CACNA1H: variants seen among roughly 807,000 people sequenced by gnomAD.
CACNA1H encodes the protein voltage-dependent T-type calcium channel subunit alpha-1H.
A neutral mutation model predicts 192.5 loss-of-function variants in CACNA1H; 149 were observed. The ratio of observed to expected loss-of-function variants is 0.77; its 90% CI spans 0.68 to 0.89. The LOEUF (loss-of-function observed/expected upper bound fraction) is 0.89. Ranked by LOEUF, CACNA1H falls within the 40% of genes least tolerant of loss-of-function variation. The probability of loss-of-function intolerance (pLI) is 0.00; values close to 1 mark genes in which losing one functional copy is unlikely to be tolerated. For missense variants in CACNA1H, 4,257 were observed against 3,423.5 expected (o/e 1.24, Z -6.08); for synonymous variants, 2,202 against 1,475.2 (o/e 1.49, Z -11.29).
chr16:1,212,691 C>T (rs1056660687), intron 26 of CACNA1H, among the ~76,000 whole-genome samples, 163 bp downstream of exon 26: 1 of 152,176 alleles, frequency 6.6e-6, no homozygotes, highest in Non-Finnish European at 1.5e-5. Flanking sequence ...CGCCAGTGTC[C>T]GGGCTGCTGT....
In CACNA1H at chr16:1,195,123, G is replaced by A. The variant is rs72556375; in HGVS notation, c.411+40G>A. On this transcript the variant is annotated intron_variant, in intron 3 of 34. Coordinates refer to ENST00000348261, the MANE Select transcript of CACNA1H (RefSeq NM_021098.3). ...TCGGGGTGGGGAAGGAGCGTGGGTC[G>A]CTACGAGGTTTATGGTTCAAGGCGG... 3.4e-3 allele frequency: 4,147 copies of A among 1,226,014 alleles called. 137 individuals carry two copies. In the African/African-American group the frequency reaches 0.057, roughly 17 times the overall value. The allele number at this position is 1,226,014 out of a possible 1,614,324, so 75.9% of individuals were successfully genotyped here. A position where few individuals can be genotyped will look rare whatever the true frequency, so the allele number is the denominator to read the frequency against.
At chr16:1,164,381 T>C (rs191433198) in intron 2 of CACNA1H, among the ~76,000 whole-genome samples, 15 of 152,254 alleles carry the variant, frequency 9.9e-5, no homozygotes, top group African/African-American at 3.4e-4. Context: ...TCGCCCAGGC[T>C]GAGTGCAGTG....
At chr16:1,198,906 C>T (rs954159051) in intron 6 of CACNA1H, 132 bp downstream of exon 6, 3 of 804,670 alleles carry the variant, frequency 3.7e-6, no homozygotes, top group South Asian at 1.7e-5. Flanking sequence ...CACTGCTGTC[C>T]CCGTCATGGC....
rs1968695900 is a variant in CACNA1H, at chr16:1,206,298, AACCCCCC to A, written c.2789+10_2789+16del. 6.5e-7 allele frequency: 1 copy of A among 1,550,128 alleles called. No homozygotes were observed. Among genetic ancestry groups the A allele is most frequent in the Non-Finnish European group, 8.7e-7 (1 of 1,147,400 alleles). The stretch of plus-strand genomic sequence containing the variant: ...TTCATTTTCATCTTCAGGTGGGCGC[AACCCCCC>A]TCCCGGCCCGCCCAGTGTCTCACCC... On this transcript the variant is annotated intron_variant, in intron 12 of 34. Coordinates refer to ENST00000348261, the MANE Select transcript of CACNA1H (RefSeq NM_021098.3).
intron 2 of CACNA1H, among the ~76,000 whole-genome samples, chr16:1,185,050 C>T (rs1245568461): frequency 6.6e-6 from 1 of 152,224 alleles, no homozygotes; most frequent in Non-Finnish European, 1.5e-5. Context: ...GCTGCCCAGC[C>T]CTGGTGGTCT....
chr16:1,203,719 C>T (rs567384663), intron 9 of CACNA1H, among the ~76,000 whole-genome samples: 5 of 152,202 alleles, frequency 3.3e-5, no homozygotes, highest in Non-Finnish European at 7.3e-5. Context: ...CTTGTCGACA[C>T]GTCCCTGCGG....
At chr16:1,159,808 C>G (rs149685974) in intron 2 of CACNA1H, 1 of 152,320 alleles carries the variant, frequency 6.6e-6, no homozygotes, top group East Asian at 1.9e-4. Context: ...AGCTCTTGGA[C>G]TCGTGGGCAA....
At chr16:1,181,136 C>T (rs1039896454) in intron 2 of CACNA1H, among the ~76,000 whole-genome samples, 3 of 152,238 alleles carry the variant, frequency 2.0e-5, no homozygotes, top group Non-Finnish European at 4.4e-5. Flanking sequence ...GTCCCAGGGG[C>T]AGGCGGCCGT....
chr16:1,191,331 C>G (rs1312911700), intron 2 of CACNA1H, among the ~76,000 whole-genome samples: 6 of 119,734 alleles, frequency 5.0e-5, no homozygotes, highest in Non-Finnish European at 1.0e-4. Flanking sequence ...TGTGTGGCCT[C>G]CGGCACACTC....
chr16:1,166,317 TGCTCA>T (rs1963769004), intron 2 of CACNA1H, among the ~76,000 whole-genome samples: 1 of 152,208 alleles, frequency 6.6e-6, no homozygotes, highest in East Asian at 1.9e-4. Context: ...GCTCAGACCC[TGCTCA>T]GCTCCGTGGC....
intron 2 of CACNA1H, chr16:1,159,951 C>G (rs1005638155): frequency 2.0e-5 from 3 of 152,322 alleles, no homozygotes; most frequent in African/African-American, 4.8e-5. Context: ...GAGGGCGATG[C>G]GGCCCCACCA....
chr16:1,203,987 C>T (rs1288388153), intron 9 of CACNA1H, 23 bp from the exon 10 acceptor site: 2 of 1,507,670 alleles, frequency 1.3e-6, no homozygotes, highest in South Asian at 1.2e-5. Flanking sequence ...TGGGCCTGCC[C>T]CTGTCTGTGC....
chr16:1,189,943 G>A (rs1291034039), intron 2 of CACNA1H, among the ~76,000 whole-genome samples: 1 of 152,376 alleles, frequency 6.6e-6, no homozygotes, highest in African/African-American at 2.4e-5. Flanking sequence ...GACTCCAGGG[G>A]CTGGAGAAGG....
intron 18 of CACNA1H, 30 bp downstream of exon 18, chr16:1,210,165 G>A (rs753619654): frequency 2.0e-6 from 3 of 1,523,960 alleles, no homozygotes; most frequent in African/African-American, 2.8e-5. Flanking sequence ...AGGCTGCATG[G>A]CTAGTTCCAC....
chr16:1,168,795 C>T (rs998566088), intron 2 of CACNA1H, among the ~76,000 whole-genome samples: 3 of 152,098 alleles, frequency 2.0e-5, no homozygotes, highest in South Asian at 2.1e-4. Context: ...CTCCAGGCCT[C>T]TCCTGGAGCC....
At chr16:1,187,374 G>T (rs1044754875) in intron 2 of CACNA1H, among the ~76,000 whole-genome samples, 1 of 152,216 alleles carries the variant, frequency 6.6e-6, no homozygotes, top group Non-Finnish European at 1.5e-5. Context: ...GACCTCAGCT[G>T]CAGTCTGTGC....
At chr16:1,219,419 A>AGGCCCCAC (rs1970302150) in intron 34 of CACNA1H, among the ~76,000 whole-genome samples, 1 of 151,570 alleles carries the variant, frequency 6.6e-6, no homozygotes, top group African/African-American at 2.4e-5. Flanking sequence ...GCGGTTTCTC[A>AGGCCCCAC]GGTCCCGTGG....
At position 1,218,248 on chromosome 16, in the gene CACNA1H, C is replaced by T. The variant is rs553451895; in HGVS notation, c.5484C>T (p.Cys1828=). The stretch of plus-strand genomic sequence containing the variant: ...AGTGCTCCCGTGAGGACAAGCACTG[C>T]CTGAGCTACCTGCCGGCCCTGTCGC... The part of the protein sequence containing the change: ...LRECSREDKH[C]LSYLPALSPV... The change falls in exon 33 of 35, where the codon TGC becomes TGT. Residue 1828 remains cysteine, a synonymous_variant. Coordinates refer to ENST00000348261, the MANE Select transcript of CACNA1H (RefSeq NM_021098.3). 1.3e-6 allele frequency: 2 copies of T among 1,550,670 alleles called. No individual in the cohort carries two copies. Among genetic ancestry groups the T allele is most frequent in the African/African-American group, 1.4e-5 (1 of 73,192 alleles).
At chr16:1,202,598 G>A (rs1399754476) in intron 9 of CACNA1H, 146 bp downstream of exon 9, 6 of 769,274 alleles carry the variant, frequency 7.8e-6, no homozygotes, top group Admixed American at 6.7e-5. Context: ...TGCCTCTGGA[G>A]CCCATAAGAA....
Sources: allele counts gnomAD v4.1 joint callset (sites outside exome capture counted in the v4.1 genomes callset), GRCh38; gene constraint gnomAD v4.1.1; transcripts MANE v1.5; gene names NCBI Gene and HGNC (gene_info 2026-07-23, HGNC 2026-07-21).